PTPRC: variants seen among roughly 807,000 people sequenced by gnomAD.
PTPRC encodes the protein receptor-type tyrosine-protein phosphatase C.
A neutral mutation model predicts 155.9 loss-of-function variants in PTPRC; 44 were observed. The observed-to-expected ratio is 0.28, with a 90% CI of 0.22 to 0.36. The LOEUF (loss-of-function observed/expected upper bound fraction) is 0.36, where lower values mean the gene tolerates loss of function less well. Among genes scored for constraint, PTPRC ranks in the 10% least tolerant of loss-of-function variants. The pLI, the probability that PTPRC is intolerant of heterozygous loss-of-function variation, is 1.00. For missense variants in PTPRC, 1,401 were observed against 1,564.6 expected (o/e 0.90, Z 1.76); for synonymous variants, 525 against 533.1 (o/e 0.98, Z 0.21).
chr1:198,752,786 G>A lies in PTPRC; in HGVS notation c.3509+14G>A. The A allele has an allele frequency of 6.2e-7, 1 of 1,609,792 alleles. No individual in the cohort carries two copies. Among genetic ancestry groups the A allele is most frequent in the Non-Finnish European group, 8.5e-7 (1 of 1,177,320 alleles). On this transcript the variant is annotated intron_variant, in intron 31 of 32. Transcript: ENST00000442510. ...CATTCACTGCAGGTGCGTGGGATTT[G>A]GTAGAATGTGCTCTCAAAATCATAA...
chr1:198,732,693 A>G (rs1424609473), intron 20 of PTPRC, 137 bp downstream of exon 20: 1 of 669,774 alleles, frequency 1.5e-6, no homozygotes, highest in Non-Finnish European at 2.6e-6. Context: ...AAAAATTATC[A>G]ATATTAGCAA....
intron 15 of PTPRC, among the ~76,000 whole-genome samples, chr1:198,726,643 G>A (rs1168819719): frequency 6.6e-6 from 1 of 151,976 alleles, no homozygotes; most frequent in African/African-American, 2.4e-5. Flanking sequence ...CAGAAATTTT[G>A]ATCATGAGAT....
chr1:198,642,357 A>AATCTATCTATCTATCTATCT (rs199962274), intron 2 of PTPRC, among the ~76,000 whole-genome samples: 12 of 103,252 alleles, frequency 1.2e-4, no homozygotes, highest in Admixed American at 6.8e-4. Context: ...TATACTAGTC[A>AATCTATCTATCTATCTATCT]ATCTATCTAT....
chr1:198,692,189 G>A (rs1665963877), intron 2 of PTPRC, among the ~76,000 whole-genome samples, 158 bp from the exon 3 acceptor site: 1 of 152,018 alleles, frequency 6.6e-6, no homozygotes, highest in East Asian at 1.9e-4. Flanking sequence ...GGTACTAAGA[G>A]AGGAAATATA....
rs1206745345 is a variant in PTPRC at position 198,732,125 on chromosome 1, A to G, written c.1975-175A>G. Reference sequence around the variant, plus strand: ...GTCAATCATTAATTTGTAAGAAAAAAGTTTTTTTTTTAACATAATTCCTGA... The same window carrying G: ...GTCAATCATTAATTTGTAAGAAAAAGGTTTTTTTTTTAACATAATTCCTGA... On this transcript the variant is annotated intron_variant, in intron 18 of 32. Transcript: ENST00000442510. Among the ~76,000 whole-genome samples the G allele has an allele frequency of 5.3e-5, 8 of 151,842 alleles. No individual in the cohort carries two copies. In the East Asian group the frequency reaches 1.5e-3, roughly 29 times the overall value.
At chr1:198,649,909 A>G (rs893843585) in intron 2 of PTPRC, among the ~76,000 whole-genome samples, 1 of 151,860 alleles carries the variant, frequency 6.6e-6, no homozygotes, top group Non-Finnish European at 1.5e-5. Context: ...AAGTAGTGTA[A>G]TATGGTAGAG....
chr1:198,646,881 G>A, intron 2 of PTPRC, among the ~76,000 whole-genome samples: 1 of 151,922 alleles, frequency 6.6e-6, no homozygotes, highest in Admixed American at 6.6e-5. Context: ...AGTGTGTGGG[G>A]AAAGTGTCAA....
intron 2 of PTPRC, among the ~76,000 whole-genome samples, chr1:198,676,744 G>A (rs193096569): frequency 2.8e-4 from 42 of 152,228 alleles, no homozygotes; most frequent in Non-Finnish European, 5.1e-4. Flanking sequence ...AAGTGCAAAA[G>A]GAATACGATA....
chr1:198,730,597 A>C (rs992193185), intron 17 of PTPRC, among the ~76,000 whole-genome samples: 1 of 152,112 alleles, frequency 6.6e-6, no homozygotes, highest in African/African-American at 2.4e-5. Flanking sequence ...GAACAGGAAA[A>C]TCCATCTCAA....
intron 26 of PTPRC, among the ~76,000 whole-genome samples, chr1:198,745,239 T>C (rs1169010047): frequency 6.6e-6 from 1 of 151,830 alleles, no homozygotes; most frequent in Non-Finnish European, 1.5e-5. Context: ...AGTACAATTC[T>C]AGGCACAAGA....
At chr1:198,738,217 T>G in intron 23 of PTPRC, among the ~76,000 whole-genome samples, 1 of 151,860 alleles carries the variant, frequency 6.6e-6, no homozygotes, top group Non-Finnish European at 1.5e-5. Context: ...TGGGCATCCT[T>G]GTCTTTATCC....
chr1:198,708,134 G>T lies in PTPRC; in HGVS notation c.906G>T (p.Gly302=), dbSNP rs921024074. ...TTTATTTCTGTATCTTCTTGTCAGGGGTTGAAAAGTTTCAGTTACATGATT... is the reference window on the plus strand; with the variant it reads ...TTTATTTCTGTATCTTCTTGTCAGGTGTTGAAAAGTTTCAGTTACATGATT... The part of the protein sequence containing the change: ...DKTLILDVPP[G]VEKFQLHDCT... The change falls in exon 10 of 33, where the codon GGG becomes GGT. Residue 302 remains glycine (G), a splice_region_variant and synonymous_variant. Transcript: ENST00000442510. The T allele has an allele frequency of 1.2e-6, 2 of 1,602,258 alleles. No individual in the cohort carries two copies. The highest frequency in any genetic ancestry group is 1.3e-5 in the African/African-American group (1 of 74,546).
intron 15 of PTPRC, among the ~76,000 whole-genome samples, chr1:198,723,126 T>TAC (rs1362271317): frequency 6.7e-6 from 1 of 149,828 alleles, no homozygotes; most frequent in African/African-American, 2.4e-5. Flanking sequence ...TATATATATA[T>TAC]ATATATAAAC....
intron 2 of PTPRC, among the ~76,000 whole-genome samples, chr1:198,640,471 A>G (rs1662515781): frequency 6.6e-6 from 1 of 151,962 alleles, no homozygotes; most frequent in East Asian, 1.9e-4. Context: ...AAGAAAAACA[A>G]CATAAGATTT....
At chr1:198,683,941 C>T (rs1333694738) in intron 2 of PTPRC, among the ~76,000 whole-genome samples, 3 of 136,478 alleles carry the variant, frequency 2.2e-5, no homozygotes, top group South Asian at 4.7e-4. Context: ...TTGAGCTAAA[C>T]GAAGTGACAT....
At chr1:198,656,806 C>A (rs554237139) in intron 2 of PTPRC, among the ~76,000 whole-genome samples, 24 of 151,832 alleles carry the variant, frequency 1.6e-4, no homozygotes, top group Middle Eastern at 3.4e-3. Context: ...AGAGCTCAAG[C>A]AGGTTGGTTA....
At chr1:198,731,348 G>T (rs1654378532) in intron 17 of PTPRC, among the ~76,000 whole-genome samples, 1 of 151,962 alleles carries the variant, frequency 6.6e-6, no homozygotes, top group African/African-American at 2.4e-5. Flanking sequence ...GTGATGTTTG[G>T]TCTGGGATCC....
chr1:198,670,777 C>T (rs1044037362), intron 2 of PTPRC, among the ~76,000 whole-genome samples: 1 of 152,036 alleles, frequency 6.6e-6, no homozygotes, highest in South Asian at 2.1e-4. Flanking sequence ...TTCAAATATA[C>T]AATATAGCTG....
chr1:198,679,233 CTTTT>C (rs1245277728), intron 2 of PTPRC: 4 of 135,262 alleles, frequency 3.0e-5, no homozygotes, highest in Admixed American at 7.4e-5. Context: ...CGAGCTCGTA[CTTTT>C]TTTTTTTTTT....
Sources: allele counts gnomAD v4.1 joint callset (sites outside exome capture counted in the v4.1 genomes callset), GRCh38; gene constraint gnomAD v4.1.1; transcripts MANE v1.5; gene names NCBI Gene and HGNC (gene_info 2026-07-23, HGNC 2026-07-21).